Variants in CLEC1A observed in about 807,000 individuals in gnomAD.
The protein encoded by CLEC1A is C-type lectin domain family 1 member A, also known as C-type lectin-like receptor-1.
Under a neutral mutation model 28.7 loss-of-function variants are expected in CLEC1A, and 34 were observed. That is an observed-to-expected ratio of 1.18 (90% CI 0.90 to 1.57). The LOEUF is 1.57. CLEC1A is among the 40% of genes most tolerant of loss of function. CLEC1A has a pLI of 0.00. For missense variants in CLEC1A, 385 were observed against 339.5 expected, an observed-to-expected ratio of 1.13 and a Z score of -1.05; for synonymous variants, 116 against 121.0, an observed-to-expected ratio of 0.96 and a Z score of 0.27.
intron 2 of CLEC1A, among the ~76,000 whole-genome samples, chr12:10,087,604 T>A (rs1591917107): frequency 6.8e-6 from 1 of 147,174 alleles, no homozygotes; most frequent in African/African-American, 2.5e-5. Context: ...CTCACTGCAA[T>A]CTCCGCCTCC....
At chr12:10,073,230 T>C (rs912314823) in intron 5 of CLEC1A, 63 bp downstream of exon 5, 2 of 1,220,272 alleles carry the variant, frequency 1.6e-6, no homozygotes, top group Admixed American at 1.8e-5. Context: ...ATTCTTGAGC[T>C]CTATCACTCA....
At chr12:10,093,366 A>G (rs1947732478) in intron 1 of CLEC1A, among the ~76,000 whole-genome samples, 1 of 71,310 alleles carries the variant, frequency 1.4e-5, no homozygotes, top group South Asian at 3.5e-4. Context: ...ATAATAAGAT[A>G]TATATAGAAA....
chr12:10,074,283 T>A (rs1383947428), intron 4 of CLEC1A, among the ~76,000 whole-genome samples: 2 of 152,164 alleles, frequency 1.3e-5, no homozygotes, highest in Non-Finnish European at 2.9e-5. Flanking sequence ...AGATAATTAA[T>A]AAAATATACT....
intron 5 of CLEC1A, among the ~76,000 whole-genome samples, 165 bp downstream of exon 5, chr12:10,073,128 G>A (rs1408652676): frequency 1.3e-5 from 2 of 151,938 alleles, no homozygotes; most frequent in Non-Finnish European, 2.9e-5. Context: ...AACAAAATGA[G>A]GATGCACTAT....
rs545467336 is a variant in CLEC1A at position 10,081,361 on chromosome 12, C to T, written c.267G>A (p.Met89Ile). The change falls in exon 3 of 6, where the codon ATG (methionine) becomes ATA (isoleucine). Residue 89 changes from methionine (M) to isoleucine (I), a missense_variant. Physicochemically the swap from Met to Ile is conservative, Grantham distance 10. Transcript: ENST00000315330. ...SNTGQDTISQ[M>I]EERLGNTSQE... The stretch of plus-strand genomic sequence containing the variant: ...GGGACGTATTTCCTAATCTTTCTTC[C>T]ATTTGAGAAATGGTGTCTTGACCAG... 5.0e-6 allele frequency: 8 copies of T among 1,612,958 alleles called. No individual in the cohort carries two copies. The East Asian group carries it at 1.1e-4, about 22-fold the overall frequency.
chr12:10,077,220 TA>T (rs1285881515), intron 3 of CLEC1A, among the ~76,000 whole-genome samples: 2 of 152,300 alleles, frequency 1.3e-5, no homozygotes, highest in South Asian at 4.1e-4. Flanking sequence ...TTTACTTTCT[TA>T]ACTTCAACTA....
Position 10,078,572 on chromosome 12 carries a change from T to C in CLEC1A, c.391+2665A>G, listed in dbSNP as rs1303778643. 2.0e-5 allele frequency among the ~76,000 whole-genome samples: 3 copies of C among 152,202 alleles called. No individual in the cohort carries two copies. The East Asian group carries it at 5.8e-4, about 29-fold the overall frequency. On this transcript the variant is annotated intron_variant, in intron 3 of 5. Transcript: ENST00000315330. The stretch of plus-strand genomic sequence containing the variant: ...TTGCCTTGTTTACCTTCATTTCTCA[T>C]AGGATTGATTAATCTCTCATACATT...
intron 1 of CLEC1A, among the ~76,000 whole-genome samples, chr12:10,090,155 G>A (rs1027950733): frequency 6.6e-6 from 1 of 152,140 alleles, no homozygotes; most frequent in Non-Finnish European, 1.5e-5. Context: ...TTTGTAGCCC[G>A]TTAGTTCTAC....
chr12:10,071,468 A>G lies in CLEC1A; in HGVS notation c.708T>C (p.Cys236=), dbSNP rs769208893. 1 of 1,613,676 alleles carries G rather than the reference A, an allele frequency of 6.2e-7. No homozygotes were observed. The highest frequency in any genetic ancestry group is 8.5e-7 in the Non-Finnish European group (1 of 1,179,698). The change falls in exon 6 of 6, where the codon TGT becomes TGC. Residue 236 remains cysteine, a synonymous_variant. Transcript: ENST00000315330. ...IDVTSPRSRD[C]VAILNGMIFS... is the part of the protein sequence containing the mutation. ...AGATCATCCCATTAAGGATGGCCACACAGTCTCTGCTTCTTGGGCTGGTGA... is the reference window on the plus strand; with the variant it reads ...AGATCATCCCATTAAGGATGGCCACGCAGTCTCTGCTTCTTGGGCTGGTGA...
chr12:10,074,369 A>G (rs1866205514), intron 4 of CLEC1A, among the ~76,000 whole-genome samples: 2 of 152,318 alleles, frequency 1.3e-5, no homozygotes, highest in Admixed American at 6.5e-5. Flanking sequence ...AGGTGAAAAT[A>G]ACTGTAGTTG....
chr12:10,098,819 G>A lies in CLEC1A; in HGVS notation c.104C>T (p.Pro35Leu), dbSNP rs771656826. Residue 35 changes from proline (P) to leucine (L), a missense_variant, in exon 1 of 6, where the codon CCC (proline) becomes CTC (leucine). Physicochemically the swap from Pro to Leu is moderately conservative, Grantham distance 98. Coordinates refer to ENST00000315330, the MANE Select transcript of CLEC1A (RefSeq NM_016511.4). ...QGSATTRHPE[P>L]RRTEHRAPSS... is the part of the protein sequence containing the mutation. ...AGGAGACAGGGTACCTGTGCGCCGG[G>A]GCTCTGGATGCCGAGTTGTGGCAGA... 6.2e-7 allele frequency: 1 copy of A among 1,612,354 alleles called. No individual in the cohort carries two copies. Among genetic ancestry groups the A allele is most frequent in the Admixed American group, 1.7e-5 (1 of 59,922 alleles).
rs183487971 is a variant in CLEC1A, at chr12:10,071,103, T to A, written c.*230A>T. 3.5e-5 allele frequency: 13 copies of A among 374,606 alleles called. No homozygotes were observed. Among genetic ancestry groups the A allele is most frequent in the African/African-American group, 1.7e-4 (8 of 48,036 alleles). 23.2% of individuals were successfully genotyped at this position (374,606 alleles called of 1,614,324 possible). A position where few individuals can be genotyped will look rare whatever the true frequency, so the allele number is the denominator to read the frequency against. On this transcript the variant is annotated 3_prime_UTR_variant, in exon 6 of 6. Transcript: ENST00000315330. The stretch of plus-strand genomic sequence containing the variant: ...CCAAGAAGGCAGATGACATTATGGG[T>A]TTCTGAGGTTGGTTGGTGGCATGTA...
intron 2 of CLEC1A, among the ~76,000 whole-genome samples, chr12:10,085,237 A>ACC (rs1866463596): frequency 1.3e-5 from 2 of 150,870 alleles, no homozygotes; most frequent in Non-Finnish European, 3.0e-5. Context: ...ACACACACAC[A>ACC]CACACAATAA....
intron 3 of CLEC1A, among the ~76,000 whole-genome samples, chr12:10,076,196 A>G (rs1403025678): frequency 6.6e-6 from 1 of 152,192 alleles, no homozygotes; most frequent in Non-Finnish European, 1.5e-5. Context: ...AGGCCAGAGA[A>G]GTATGGGTAG....
intron 1 of CLEC1A, among the ~76,000 whole-genome samples, chr12:10,092,143 C>T (rs957579235): frequency 1.3e-5 from 2 of 152,052 alleles, no homozygotes; most frequent in Admixed American, 6.6e-5. Context: ...ATTTGTCTGG[C>T]TGAAATTAAA....
intron 1 of CLEC1A, among the ~76,000 whole-genome samples, chr12:10,091,078 G>A (rs1200105206): frequency 6.6e-6 from 1 of 152,094 alleles, no homozygotes; most frequent in African/African-American, 2.4e-5. Context: ...AGTTTCAATG[G>A]CACATCCTTG....
chr12:10,085,173 T>A (rs1186025245), intron 2 of CLEC1A, among the ~76,000 whole-genome samples: 5 of 145,670 alleles, frequency 3.4e-5, no homozygotes, highest in Non-Finnish European at 6.0e-5. Context: ...AAAGCATAAA[T>A]CTCACAGGAC....
rs1565595670 is a variant in CLEC1A at position 10,069,847 on chromosome 12, T to A, written c.*1486A>T. The A allele has an allele frequency of 6.6e-6, 1 of 152,192 alleles. No individual in the cohort carries two copies. The highest frequency in any genetic ancestry group is 1.5e-5 in the Non-Finnish European group (1 of 68,018). 9.4% of individuals were successfully genotyped at this position (152,192 alleles called of 1,614,324 possible). Reference sequence around the variant, plus strand: ...CGCAATAGTCTTTGCTAAGTGACAATCTAACAAAATGAAGTTTATGAAAAT... The same window carrying A: ...CGCAATAGTCTTTGCTAAGTGACAAACTAACAAAATGAAGTTTATGAAAAT... On this transcript the variant is annotated 3_prime_UTR_variant, in exon 6 of 6. Transcript: ENST00000315330.
intron 3 of CLEC1A, among the ~76,000 whole-genome samples, chr12:10,080,206 A>G (rs769044088): frequency 6.6e-6 from 1 of 152,020 alleles, no homozygotes; most frequent in Non-Finnish European, 1.5e-5. Flanking sequence ...CCAGCTACTC[A>G]GGAGGCTGAG....
Sources: allele counts gnomAD v4.1 joint callset (sites outside exome capture counted in the v4.1 genomes callset), GRCh38; gene constraint gnomAD v4.1.1; transcripts MANE v1.5; gene names NCBI Gene and HGNC (gene_info 2026-07-23, HGNC 2026-07-21).